The following ARHGAP6 variants were observed in gnomAD, a reference collection of about 807,000 sequenced individuals.
The protein encoded by ARHGAP6 is rho GTPase-activating protein 6.
Under a neutral mutation model 55.7 loss-of-function variants are expected in ARHGAP6, and 16 were observed. The ratio of observed to expected loss-of-function variants is 0.29; its 90% CI spans 0.19 to 0.44. The LOEUF (loss-of-function observed/expected upper bound fraction) is 0.44, where lower values mean the gene tolerates loss of function less well. Ranked by LOEUF, ARHGAP6 falls within the 20% of genes least tolerant of loss-of-function variation. The probability of loss-of-function intolerance (pLI) is 1.00; values close to 1 mark genes in which losing one functional copy is unlikely to be tolerated. For missense variants in ARHGAP6, 698 were observed against 808.9 expected, an observed-to-expected ratio of 0.86 and a Z score of 1.66; for synonymous variants, 382 against 360.9, an observed-to-expected ratio of 1.06 and a Z score of -0.66.
intron 1 of ARHGAP6, among the ~76,000 whole-genome samples, chrX:11,278,095 G>A (rs961284571): frequency 1.7e-4 from 19 of 111,497 alleles, no homozygotes; most frequent in African/African-American, 4.2e-4. Flanking sequence ...TACAGAACAC[G>A]ACCCCACACC....
At chrX:11,212,830 T>A (rs1045451323) in intron 2 of ARHGAP6, among the ~76,000 whole-genome samples, 20 of 111,747 alleles carry the variant, frequency 1.8e-4, no homozygotes, top group South Asian at 3.6e-4. Flanking sequence ...AATAAAAAAA[T>A]ATATATAGGA....
intron 1 of ARHGAP6, among the ~76,000 whole-genome samples, chrX:11,498,986 G>A (rs1431244048): frequency 8.9e-6 from 1 of 111,885 alleles, no homozygotes; most frequent in Non-Finnish European, 1.9e-5. Flanking sequence ...CATTTGGTCA[G>A]GGTCTCTGGT....
At chrX:11,433,986 G>T (rs2049963958) in intron 1 of ARHGAP6, among the ~76,000 whole-genome samples, 1 of 111,834 alleles carries the variant, frequency 8.9e-6, no homozygotes, top group African/African-American at 3.3e-5. Flanking sequence ...GATTGCTGGT[G>T]TCCCATCCAC....
chrX:11,584,756 G>A (rs1206497948), intron 1 of ARHGAP6, among the ~76,000 whole-genome samples: 1 of 112,226 alleles, frequency 8.9e-6, no homozygotes, highest in Non-Finnish European at 1.9e-5. Context: ...GTCTGGCAGT[G>A]CTGATCATTT....
chrX:11,538,193 T>C (rs773056951), intron 1 of ARHGAP6, among the ~76,000 whole-genome samples: 1 of 112,142 alleles, frequency 8.9e-6, no homozygotes, highest in African/African-American at 3.2e-5. Flanking sequence ...ACAGCAACTT[T>C]TGATCTTTTT....
intron 1 of ARHGAP6, among the ~76,000 whole-genome samples, chrX:11,463,489 C>A (rs1421321274): frequency 9.0e-6 from 1 of 111,125 alleles, no homozygotes; most frequent in Non-Finnish European, 1.9e-5. Context: ...CAGGCACTAA[C>A]CACCATACCT....
At chrX:11,379,661 T>C (rs1162558627) in intron 1 of ARHGAP6, among the ~76,000 whole-genome samples, 1 of 111,847 alleles carries the variant, frequency 8.9e-6, no homozygotes, top group African/African-American at 3.2e-5. Context: ...CTTATTCATG[T>C]GTCTGTTGTT....
In ARHGAP6 at chrX:11,199,473, A is replaced by T. The variant is rs751671915; in HGVS notation, c.749-2477T>A. ...TTCAGGGGATTATGGTGCACATTAA[A>T]GTCTGGTTCACATTAAAGTCTGGAA... On this transcript the variant is annotated intron_variant, in intron 2 of 12. Transcript: ENST00000337414. Among the ~76,000 whole-genome samples the T allele has an allele frequency of 2.7e-5, 3 of 112,218 alleles. No homozygotes were observed. The South Asian group carries it at 1.1e-3, about 42-fold the overall frequency.
intron 1 of ARHGAP6, among the ~76,000 whole-genome samples, chrX:11,511,793 A>G (rs5935088): frequency 0.02 from 2,262 of 111,000 alleles, 28 homozygotes; most frequent in Middle Eastern, 0.064. Flanking sequence ...CATAATCACA[A>G]GCAGCCTTGT....
intron 1 of ARHGAP6, among the ~76,000 whole-genome samples, chrX:11,275,974 G>C (rs1359657542): frequency 9.0e-6 from 1 of 111,389 alleles, no homozygotes; most frequent in Non-Finnish European, 1.9e-5. Flanking sequence ...GTTTACTATG[G>C]ACCTATAAGG....
intron 1 of ARHGAP6, among the ~76,000 whole-genome samples, chrX:11,401,723 A>G (rs960622687): frequency 8.9e-6 from 1 of 111,921 alleles, no homozygotes; most frequent in African/African-American, 3.3e-5. Flanking sequence ...GGATATTAGG[A>G]TACTTACGAC....
intron 8 of ARHGAP6, among the ~76,000 whole-genome samples, chrX:11,175,275 G>T (rs970650132): frequency 8.9e-6 from 1 of 112,165 alleles, no homozygotes; most frequent in African/African-American, 3.2e-5. Flanking sequence ...CACAATGGCT[G>T]TGAGAGCTGC....
At chrX:11,350,943 A>G (rs1365115132) in intron 1 of ARHGAP6, among the ~76,000 whole-genome samples, 1 of 111,073 alleles carries the variant, frequency 9.0e-6, no homozygotes, top group African/African-American at 3.3e-5. Flanking sequence ...AATACTTCTA[A>G]GTTATTAGTG....
chrX:11,172,871 G>A (rs2046114440), intron 8 of ARHGAP6, among the ~76,000 whole-genome samples: 1 of 111,367 alleles, frequency 9.0e-6, no homozygotes, highest in African/African-American at 3.3e-5. Flanking sequence ...TAATTAGCTA[G>A]CAATTCAAGA....
intron 1 of ARHGAP6, among the ~76,000 whole-genome samples, chrX:11,560,721 C>T (rs748466836): frequency 8.9e-6 from 1 of 112,259 alleles, no homozygotes; most frequent in Admixed American, 9.4e-5. Context: ...GAAGTCAAAG[C>T]GTCATCTTAA....
At chrX:11,216,899 T>C (rs769827014) in intron 2 of ARHGAP6, among the ~76,000 whole-genome samples, 3 of 110,125 alleles carry the variant, frequency 2.7e-5, no homozygotes, top group Non-Finnish European at 5.7e-5. Context: ...CAGTGTGTTA[T>C]GTTCCCCTCC....
intron 3 of ARHGAP6, among the ~76,000 whole-genome samples, chrX:11,196,170 C>CAA (rs930542278): frequency 9.2e-6 from 1 of 108,830 alleles, no homozygotes; most frequent in Non-Finnish European, 1.9e-5. Flanking sequence ...CAAAACAAAA[C>CAA]AAAACAAAAA....
intron 1 of ARHGAP6, among the ~76,000 whole-genome samples, chrX:11,367,570 T>C (rs2049097544): frequency 8.9e-6 from 1 of 112,542 alleles, no homozygotes; most frequent in African/African-American, 3.2e-5. Context: ...TTTAAAGTTT[T>C]AAGTGAGCTT....
chrX:11,521,570 G>A (rs867072073), intron 1 of ARHGAP6, among the ~76,000 whole-genome samples: 2 of 111,688 alleles, frequency 1.8e-5, no homozygotes, highest in African/African-American at 3.3e-5. Flanking sequence ...GCCTTATAGT[G>A]TAGTTTGAAG....
Sources: allele counts gnomAD v4.1 joint callset (sites outside exome capture counted in the v4.1 genomes callset), GRCh38; gene constraint gnomAD v4.1.1; transcripts MANE v1.5; gene names NCBI Gene and HGNC (gene_info 2026-07-23, HGNC 2026-07-21).